Variants in EDA2R observed in about 807,000 individuals in gnomAD.
The protein encoded by EDA2R is tumor necrosis factor receptor superfamily member 27.
Under a neutral mutation model 20.1 loss-of-function variants are expected in EDA2R, and 26 were observed. The observed-to-expected ratio is 1.30, with a 90% CI of 0.95 to 1.80. The LOEUF (loss-of-function observed/expected upper bound fraction) is 1.80. EDA2R is among the 40% of genes most tolerant of loss of function. EDA2R has a pLI of 0.00. For synonymous variants in EDA2R, 114 were observed against 88.7 expected (o/e 1.29, Z -1.60); for missense variants, 277 against 228.7 (o/e 1.21, Z -1.36).
At chrX:66,620,946 A>G (rs2147885447) in intron 1 of EDA2R, among the ~76,000 whole-genome samples, 1 of 91,868 alleles carries the variant, frequency 1.1e-5, no homozygotes, top group Non-Finnish European at 2.2e-5. Context: ...ACAATAAAAC[A>G]GCACTTTATA....
chrX:66,603,966 C>T (rs190772067), intron 4 of EDA2R, among the ~76,000 whole-genome samples: 1 of 111,840 alleles, frequency 8.9e-6, no homozygotes, highest in East Asian at 2.8e-4. Flanking sequence ...AGATGGTAGA[C>T]AAAAAAGATA....
chrX:66,600,672 T>C (rs1928422992), intron 5 of EDA2R, among the ~76,000 whole-genome samples: 1 of 112,004 alleles, frequency 8.9e-6, no homozygotes, highest in Non-Finnish European at 1.9e-5. Flanking sequence ...TGTGTGGCAA[T>C]TTGTTATGGC....
At chrX:66,614,596 A>T (rs1369321802) in intron 2 of EDA2R, among the ~76,000 whole-genome samples, 1 of 112,350 alleles carries the variant, frequency 8.9e-6, no homozygotes, top group Admixed American at 9.4e-5. Flanking sequence ...ATCCTTTATC[A>T]ACCATGTGGG....
At chrX:66,618,104 C>T (rs1234533105) in intron 1 of EDA2R, among the ~76,000 whole-genome samples, 1 of 111,770 alleles carries the variant, frequency 8.9e-6, no homozygotes, top group Non-Finnish European at 1.9e-5. Flanking sequence ...TCAGGCTGGT[C>T]TCGAACTCCT....
At chrX:66,602,881 G>A in intron 4 of EDA2R, 84 bp from the exon 5 acceptor site, 4 of 915,755 alleles carry the variant, frequency 4.4e-6, no homozygotes, top group Non-Finnish European at 5.9e-6. Flanking sequence ...TCCTCAGGCT[G>A]TCACCCTTCT....
chrX:66,616,718 T>A (rs1931759036), intron 1 of EDA2R, among the ~76,000 whole-genome samples: 1 of 112,176 alleles, frequency 8.9e-6, no homozygotes, highest in Non-Finnish European at 1.9e-5. Flanking sequence ...CAGATAATAG[T>A]TCTTGGAATA....
intron 2 of EDA2R, among the ~76,000 whole-genome samples, chrX:66,606,448 T>C (rs1339444587): frequency 3.6e-5 from 4 of 111,511 alleles, no homozygotes; most frequent in Non-Finnish European, 7.5e-5. Context: ...CTGACACCCC[T>C]GGAAACCTTG....
chrX:66,599,382 A>C (rs770536999), intron 6 of EDA2R, 92 bp downstream of exon 6: 2 of 996,747 alleles, frequency 2.0e-6, no homozygotes, highest in Admixed American at 7.9e-5. Flanking sequence ...CTCCTAGTGA[A>C]TAATACTATT....
intron 5 of EDA2R, chrX:66,600,134 A>T (rs1221451381): frequency 9.7e-7 from 1 of 1,035,716 alleles, no homozygotes; most frequent in South Asian, 2.2e-5. Context: ...CAGGATTTTG[A>T]TACCATCTCC....
intron 1 of EDA2R, among the ~76,000 whole-genome samples, chrX:66,633,401 T>C (rs1336772545): frequency 2.7e-5 from 3 of 111,696 alleles, no homozygotes; most frequent in Non-Finnish European, 5.6e-5. Context: ...TCTAGGCTGA[T>C]TTTGAGGGAA....
chrX:66,613,709 T>C (rs1271327770), intron 2 of EDA2R, among the ~76,000 whole-genome samples: 1 of 111,840 alleles, frequency 8.9e-6, no homozygotes. Context: ...AGAAGTGTTA[T>C]CTGCTGATAT....
intron 1 of EDA2R, among the ~76,000 whole-genome samples, chrX:66,619,241 G>A (rs1325361833): frequency 9.0e-6 from 1 of 111,621 alleles, no homozygotes; most frequent in Non-Finnish European, 1.9e-5. Flanking sequence ...TGATGCTTAA[G>A]GAAAAGATTC....
At chrX:66,634,820 C>A (rs1261564487) in intron 1 of EDA2R, among the ~76,000 whole-genome samples, 1 of 111,684 alleles carries the variant, frequency 9.0e-6, no homozygotes, top group Non-Finnish European at 1.9e-5. Flanking sequence ...GCTCCAGCTT[C>A]TTTTTCCTAA....
intron 1 of EDA2R, among the ~76,000 whole-genome samples, chrX:66,631,575 C>CA (rs2148027541): frequency 9.0e-6 from 1 of 110,974 alleles, no homozygotes; most frequent in South Asian, 3.9e-4. Context: ...TCAGGATGGG[C>CA]AAAAAAGCAT....
intron 1 of EDA2R, among the ~76,000 whole-genome samples, chrX:66,622,429 G>A (rs1312301917): frequency 8.9e-6 from 1 of 111,768 alleles, no homozygotes; most frequent in East Asian, 2.8e-4. Flanking sequence ...TGCCTGTGGG[G>A]TGAAACATGC....
chrX:66,616,609 C>T (rs1278373104), intron 1 of EDA2R, among the ~76,000 whole-genome samples: 3 of 112,690 alleles, frequency 2.7e-5, no homozygotes, highest in Non-Finnish European at 5.6e-5. Context: ...GGACCAATAC[C>T]TGCCATAGCT....
rs1372604630 is a variant in EDA2R, at chrX:66,602,662, T to G, written c.488A>C (p.Lys163Thr). The change falls in exon 5 of 7, where the codon AAG becomes ACG. Residue 163 changes from lysine (K) to threonine (T), a missense_variant. Transcript: ENST00000374719. ...CTGGCAATGTCTGTTGAAGAACTGC[T>G]TGCAGTAGAGGAAGAAGAGCCCCAG... is the stretch of plus-strand genomic sequence containing the variant. ...AFLGLFFLYC[K>T]QFFNRHCQRG... 1 of 1,201,610 alleles carries G rather than the reference T, an allele frequency of 8.3e-7. No homozygotes were observed. The highest frequency in any genetic ancestry group is 1.1e-6 in the Non-Finnish European group (1 of 890,196).
At chrX:66,623,056 G>A (rs1470138024) in intron 1 of EDA2R, among the ~76,000 whole-genome samples, 2 of 111,746 alleles carry the variant, frequency 1.8e-5, no homozygotes, top group Non-Finnish European at 3.8e-5. Flanking sequence ...TGCACCTTGG[G>A]AGTGCCAAAA....
Position 66,611,818 on chromosome X carries a change from C to T in EDA2R, c.87+4116G>A, listed in dbSNP as rs149604979. The stretch of plus-strand genomic sequence containing the variant: ...CTTCACAAATTTGGTAAAAGACCTA[C>T]AAGTTAAAGAGGATGAACAGATCCC... On this transcript the variant is annotated intron_variant, in intron 2 of 6. Coordinates refer to ENST00000374719, the MANE Select transcript of EDA2R (RefSeq NM_021783.5). Among the ~76,000 whole-genome samples the T allele has an allele frequency of 6.3e-3, 697 of 111,057 alleles. 9 individuals are homozygous for T. Among genetic ancestry groups the T allele is most frequent in the African/African-American group, 0.022 (665 of 30,667 alleles).
Sources: allele counts gnomAD v4.1 joint callset (sites outside exome capture counted in the v4.1 genomes callset), GRCh38; gene constraint gnomAD v4.1.1; transcripts MANE v1.5; gene names NCBI Gene and HGNC (gene_info 2026-07-23, HGNC 2026-07-21).